Variants in IKZF2 observed in about 807,000 individuals in gnomAD.
The protein encoded by IKZF2 is IKAROS family zinc finger 2.
Under a neutral mutation model 49.2 loss-of-function variants are expected in IKZF2, and 15 were observed. The ratio of observed to expected loss-of-function variants is 0.30; its 90% confidence interval spans 0.20 to 0.47. The LOEUF is 0.47. Ranked by LOEUF, IKZF2 falls within the 20% of genes least tolerant of loss-of-function variation. The pLI, the probability that IKZF2 is intolerant of heterozygous loss-of-function variation, is 1.00. For synonymous variants in IKZF2, 227 were observed against 221.4 expected (o/e 1.03, Z -0.23); for missense variants, 567 against 664.6 (o/e 0.85, Z 1.61).
At chr2:213,116,577 A>C (rs1002672678) in intron 4 of IKZF2, among the ~76,000 whole-genome samples, 1 of 152,160 alleles carries the variant, frequency 6.6e-6, no homozygotes, top group Non-Finnish European at 1.5e-5. Flanking sequence ...TGTACAAAAA[A>C]CATTTAAAAA....
intron 6 of IKZF2, among the ~76,000 whole-genome samples, chr2:213,026,121 A>G (rs996337250): frequency 6.6e-6 from 1 of 152,038 alleles, no homozygotes; most frequent in Non-Finnish European, 1.5e-5. Context: ...TCTGGTCCCA[A>G]AGCACACATC....
intron 4 of IKZF2, among the ~76,000 whole-genome samples, chr2:213,057,523 C>A (rs938094344): frequency 6.6e-6 from 1 of 152,076 alleles, no homozygotes; most frequent in Non-Finnish European, 1.5e-5. Flanking sequence ...ATGTATACTT[C>A]ATATTCTCTG....
intron 4 of IKZF2, among the ~76,000 whole-genome samples, chr2:213,073,045 T>C (rs972626023): frequency 9.2e-5 from 14 of 152,236 alleles, no homozygotes; most frequent in South Asian, 6.2e-4. Context: ...TTGTCTCGGA[T>C]GCAAGAAAGC....
intron 4 of IKZF2, among the ~76,000 whole-genome samples, chr2:213,071,289 TA>T (rs141484950): frequency 6.6e-6 from 1 of 152,154 alleles, no homozygotes; most frequent in East Asian, 1.9e-4. Context: ...TATTACGGAA[TA>T]AAAATATACA....
chr2:213,120,680 A>G (rs946301239), intron 4 of IKZF2, among the ~76,000 whole-genome samples: 1 of 152,254 alleles, frequency 6.6e-6, no homozygotes, highest in East Asian at 1.9e-4. Flanking sequence ...GATTAATTCT[A>G]TAACTCTAAC....
At chr2:213,116,456 G>C (rs936764144) in intron 4 of IKZF2, among the ~76,000 whole-genome samples, 4 of 152,150 alleles carry the variant, frequency 2.6e-5, no homozygotes, top group African/African-American at 9.7e-5. Flanking sequence ...CTGCAGGCTG[G>C]GGGCACAGTG....
chr2:213,050,659 T>A (rs1328971461), intron 5 of IKZF2, among the ~76,000 whole-genome samples: 2 of 152,128 alleles, frequency 1.3e-5, no homozygotes, highest in African/African-American at 4.8e-5. Flanking sequence ...TTGAAAGGAA[T>A]CTTTTCTCCC....
At chr2:213,046,312 C>T (rs1443674758) in intron 6 of IKZF2, among the ~76,000 whole-genome samples, 3 of 152,138 alleles carry the variant, frequency 2.0e-5, no homozygotes, top group Non-Finnish European at 4.4e-5. Context: ...CCCAAGTATA[C>T]TGTATGAGCA....
chr2:213,005,917 C>T lies in IKZF2; in HGVS notation c.*1443G>A, dbSNP rs1309240662. The stretch of plus-strand genomic sequence containing the variant: ...GATTCATTTCTGACAAGGACTTACA[C>T]AATTAAATGTTTTGGAAACAGAAAA... On this transcript the variant is annotated 3_prime_UTR_variant, in exon 9 of 9. Transcript: ENST00000434687. 1.4e-4 allele frequency: 22 copies of T among 152,036 alleles called. No individual in the cohort carries two copies. The highest frequency in any genetic ancestry group is 1.4e-3 in the Admixed American group (21 of 15,236). 9.4% of individuals were successfully genotyped at this position (152,036 alleles called of 1,614,324 possible).
At chr2:213,121,363 C>T (rs1314067615) in intron 4 of IKZF2, among the ~76,000 whole-genome samples, 2 of 152,172 alleles carry the variant, frequency 1.3e-5, no homozygotes, top group Non-Finnish European at 2.9e-5. Context: ...AAATGTTGAG[C>T]TCTTCTTTCC....
intron 4 of IKZF2, among the ~76,000 whole-genome samples, chr2:213,079,991 A>G (rs1703751342): frequency 1.3e-5 from 2 of 152,174 alleles, no homozygotes; most frequent in South Asian, 4.1e-4. Context: ...TAATCTGATA[A>G]ACTGCTGAGC....
intron 4 of IKZF2, among the ~76,000 whole-genome samples, chr2:213,140,314 C>A (rs183371544): frequency 5.4e-4 from 82 of 151,828 alleles, no homozygotes; most frequent in Non-Finnish European, 7.7e-4. Context: ...AACCTCATCC[C>A]AAGGGGTATG....
At chr2:213,030,170 A>G (rs1698253873) in intron 6 of IKZF2, among the ~76,000 whole-genome samples, 1 of 152,084 alleles carries the variant, frequency 6.6e-6, no homozygotes, top group African/African-American at 2.4e-5. Flanking sequence ...CTTGTGGTCA[A>G]AATTGTTGGT....
chr2:213,063,761 C>T (rs898785943), intron 4 of IKZF2, among the ~76,000 whole-genome samples: 2 of 151,864 alleles, frequency 1.3e-5, no homozygotes, highest in South Asian at 4.2e-4. Context: ...TCTTTTGACT[C>T]GTAGCCTATC....
At chr2:213,143,157 G>C (rs189442460) in intron 4 of IKZF2, among the ~76,000 whole-genome samples, 1 of 152,026 alleles carries the variant, frequency 6.6e-6, no homozygotes, top group Non-Finnish European at 1.5e-5. Flanking sequence ...CAAAAGTTAG[G>C]AGAGAAGAGC....
At chr2:213,056,035 T>A (rs1185623791) in intron 5 of IKZF2, among the ~76,000 whole-genome samples, 2 of 152,106 alleles carry the variant, frequency 1.3e-5, no homozygotes, top group Non-Finnish European at 2.9e-5. Flanking sequence ...TCAACGATCC[T>A]CCTAGCTTAC....
chr2:213,012,574 A>G (rs1696086238), intron 8 of IKZF2, among the ~76,000 whole-genome samples: 1 of 152,002 alleles, frequency 6.6e-6, no homozygotes, highest in Non-Finnish European at 1.5e-5. Flanking sequence ...TCCTTTGTGT[A>G]TAACTCAGGG....
At chr2:213,036,570 G>A (rs1559189728) in intron 6 of IKZF2, among the ~76,000 whole-genome samples, 1 of 151,978 alleles carries the variant, frequency 6.6e-6, no homozygotes, top group Non-Finnish European at 1.5e-5. Flanking sequence ...GGTATATAAG[G>A]GATGAAGATG....
chr2:213,041,629 C>T (rs1233323477), intron 6 of IKZF2, among the ~76,000 whole-genome samples: 1 of 152,114 alleles, frequency 6.6e-6, no homozygotes, highest in Non-Finnish European at 1.5e-5. Context: ...TTTAGCTGAT[C>T]TTTGTTCATA....
Sources: gnomAD v4.1 joint callset for allele counts (sites outside exome capture counted in the v4.1 genomes callset) on GRCh38, gnomAD v4.1.1 for gene constraint, MANE v1.5 for transcripts, NCBI Gene and HGNC (gene_info 2026-07-23, HGNC 2026-07-21) for gene names.